Variants in USP9X observed in about 807,000 individuals in gnomAD.
The protein encoded by USP9X is ubiquitin specific peptidase 9 X-linked, also known as ubiquitin carboxyl-terminal hydrolase 9X.
In USP9X, 7 loss-of-function variants were observed where a neutral mutation model predicts 190.3. The observed-to-expected ratio is 0.04, with a 90% CI of 0.02 to 0.07. The LOEUF (loss-of-function observed/expected upper bound fraction) is 0.07. Among genes scored for constraint, USP9X ranks in the 10% least tolerant of loss-of-function variants. The pLI, the probability that USP9X is intolerant of heterozygous loss-of-function variation, is 1.00. For synonymous variants in USP9X, 645 were observed against 659.5 expected (o/e 0.98, Z 0.34); for missense variants, 1,010 against 1,916.9 (o/e 0.53, Z 8.83).
intron 12 of USP9X, among the ~76,000 whole-genome samples, chrX:41,149,142 G>T (rs1221045933): frequency 8.9e-6 from 1 of 111,865 alleles, no homozygotes; most frequent in East Asian, 2.8e-4. Flanking sequence ...GCTCAGGAAG[G>T]TGTATTAATG....
Position 41,141,155 on chromosome X carries a change from G to T in USP9X, c.960G>T (p.Arg320Ser). Reference sequence around the variant, plus strand: ...AATCTTTGAAGAATTTAGCTTCAAGGGTTCCAGGACAAGAAGAAACTGTTA... The same window carrying T: ...AATCTTTGAAGAATTTAGCTTCAAGTGTTCCAGGACAAGAAGAAACTGTTA... ...IIKSLKNLAS[R>S]VPGQEETVKN... is the part of the protein sequence containing the mutation. The change falls in exon 8 of 45, where the codon AGG (arginine) becomes AGT (serine). Residue 320 changes from arginine to serine, a missense_variant. Physicochemically the swap from Arg to Ser is moderately radical, Grantham distance 110 (BLOSUM62 -1). Coordinates refer to ENST00000378308, the MANE Select transcript of USP9X (RefSeq NM_001039591.3). 1 of 1,201,625 alleles carries T rather than the reference G, an allele frequency of 8.3e-7. No individual in the cohort carries two copies. Among genetic ancestry groups the T allele is most frequent in the Non-Finnish European group, 1.1e-6 (1 of 890,320 alleles).
At chrX:41,154,163 G>T (rs2062555954) in intron 14 of USP9X, among the ~76,000 whole-genome samples, 1 of 111,420 alleles carries the variant, frequency 9.0e-6, no homozygotes, top group African/African-American at 3.3e-5. Flanking sequence ...GTTAGAGCTA[G>T]ACAAGCAATC....
chrX:41,163,637 C>T (rs1019320342), intron 15 of USP9X, among the ~76,000 whole-genome samples: 1 of 107,918 alleles, frequency 9.3e-6, no homozygotes, highest in Non-Finnish European at 1.9e-5. Flanking sequence ...CCTGTAGTCC[C>T]GGGTACTCGG....
intron 1 of USP9X, among the ~76,000 whole-genome samples, chrX:41,091,880 A>G (rs906547621): frequency 2.7e-5 from 3 of 111,887 alleles, no homozygotes; most frequent in Non-Finnish European, 3.8e-5. Flanking sequence ...TTAACATTAA[A>G]CTGTCTCCCT....
chrX:41,129,418 A>ATG (rs780878580), intron 3 of USP9X, among the ~76,000 whole-genome samples: 1 of 111,629 alleles, frequency 9.0e-6, no homozygotes, highest in South Asian at 3.7e-4. Flanking sequence ...TGGTTGCTGG[A>ATG]TGACTTTCAT....
In USP9X at chrX:41,123,672, A is replaced by G; in HGVS notation, c.44A>G (p.Asn15Ser). 1 of 1,211,925 alleles carries G rather than the reference A, an allele frequency of 8.3e-7. No homozygotes were observed. The highest frequency in any genetic ancestry group is 1.1e-6 in the Non-Finnish European group (1 of 895,517). Residue 15 changes from asparagine to serine, a missense_variant, in exon 2 of 45, where the codon AAC (asparagine) becomes AGC (serine). Asn to Ser is a conservative substitution (Grantham distance 46). Coordinates refer to ENST00000378308, the MANE Select transcript of USP9X (RefSeq NM_001039591.3). The part of the protein sequence containing the change: ...TRGSPVGGND[N>S]QGQAPDGQSQ... ...GGCTCTCCGGTCGGAGGGAATGACA[A>G]CCAGGGCCAGGCTCCTGATGGACAG...
At chrX:41,214,243 C>T (rs1398188838) in intron 33 of USP9X, among the ~76,000 whole-genome samples, 6 of 112,310 alleles carry the variant, frequency 5.3e-5, no homozygotes, top group African/African-American at 1.9e-4. Flanking sequence ...GAAGCAGCAT[C>T]GTATACTACA....
intron 1 of USP9X, among the ~76,000 whole-genome samples, chrX:41,104,792 GAAA>G (rs921387381): frequency 9.4e-6 from 1 of 106,228 alleles, no homozygotes; most frequent in African/African-American, 3.4e-5. Flanking sequence ...TCTTGAGAGA[GAAA>G]AAAAAAAGAT....
At chrX:41,223,957 C>G (rs1469083789) in intron 39 of USP9X, among the ~76,000 whole-genome samples, 1 of 110,564 alleles carries the variant, frequency 9.0e-6, no homozygotes, top group Non-Finnish European at 1.9e-5. Flanking sequence ...AATCCCTATG[C>G]TTTGGGGGAG....
intron 16 of USP9X, among the ~76,000 whole-genome samples, chrX:41,166,677 A>G (rs891168880): frequency 6.3e-5 from 7 of 111,890 alleles, no homozygotes; most frequent in Non-Finnish European, 1.3e-4. Context: ...ATAAAATACT[A>G]TCTTTTTAAG....
intron 26 of USP9X, among the ~76,000 whole-genome samples, chrX:41,194,320 C>T (rs1293175443): frequency 4.5e-5 from 5 of 111,538 alleles, no homozygotes; most frequent in African/African-American, 1.3e-4. Flanking sequence ...TTTGGGAGGC[C>T]GAGGCGGGCG....
intron 14 of USP9X, among the ~76,000 whole-genome samples, chrX:41,157,852 A>G (rs764928126): frequency 3.6e-5 from 4 of 112,241 alleles, no homozygotes; most frequent in African/African-American, 1.3e-4. Context: ...AAATATGCTC[A>G]TAGAACTGAA....
chrX:41,205,238 C>A, intron 31 of USP9X, 65 bp from the exon 32 acceptor site: 2 of 853,247 alleles, frequency 2.3e-6, no homozygotes, highest in Non-Finnish European at 3.2e-6. Context: ...TCAATAACTG[C>A]TTGGCATTTG....
At chrX:41,112,773 TTAAA>T in intron 1 of USP9X, among the ~76,000 whole-genome samples, 1 of 112,591 alleles carries the variant, frequency 8.9e-6, no homozygotes, top group South Asian at 3.6e-4. Context: ...TTATAAGCAA[TTAAA>T]TAATTAGTTA....
intron 1 of USP9X, among the ~76,000 whole-genome samples, chrX:41,111,440 G>A (rs2062108021): frequency 8.9e-6 from 1 of 112,043 alleles, no homozygotes; most frequent in Admixed American, 9.5e-5. Flanking sequence ...AACACCTGTT[G>A]TTTGCCAATG....
At chrX:41,229,185 G>A (rs1402186999) in intron 41 of USP9X, 68 bp from the exon 42 acceptor site, 3 of 854,067 alleles carry the variant, frequency 3.5e-6, no homozygotes, top group East Asian at 7.0e-5. Context: ...GTGGCACATA[G>A]TAGGCACTCA....
rs758834960 is a variant in USP9X at position 41,141,431 on chromosome X, A to G, written c.1161A>G (p.Ala387=). ...EEEWLTAERM[A]EWIQQNNILS... Reference sequence around the variant, plus strand: ...AGTGGCTCACAGCTGAACGAATGGCAGTGAGTCTTTCAGTTCTTCTTCATA... The same window carrying G: ...AGTGGCTCACAGCTGAACGAATGGCGGTGAGTCTTTCAGTTCTTCTTCATA... The change falls in exon 9 of 45, where the codon GCA becomes GCG. Residue 387 remains alanine (A), a splice_region_variant and synonymous_variant. Transcript: ENST00000378308. The G allele has an allele frequency of 3.4e-6, 4 of 1,174,668 alleles. No individual in the cohort carries two copies. In the Admixed American group the frequency reaches 7.5e-5, roughly 22 times the overall value.
intron 13 of USP9X, among the ~76,000 whole-genome samples, chrX:41,152,301 C>G (rs2062535605): frequency 8.9e-6 from 1 of 112,052 alleles, no homozygotes; most frequent in Non-Finnish European, 1.9e-5. Flanking sequence ...CAAATGAATG[C>G]ATTTATCTTT....
At chrX:41,146,553 A>G (rs1375750145) in intron 11 of USP9X, among the ~76,000 whole-genome samples, 3 of 109,639 alleles carry the variant, frequency 2.7e-5, no homozygotes, top group Admixed American at 9.7e-5. Flanking sequence ...ATTTTTGACA[A>G]TCTTCTTGGT....
Sources: allele counts gnomAD v4.1 joint callset (sites outside exome capture counted in the v4.1 genomes callset), GRCh38; gene constraint gnomAD v4.1.1; transcripts MANE v1.5; gene names NCBI Gene and HGNC (gene_info 2026-07-23, HGNC 2026-07-21).